SH3GL3: variants seen among roughly 807,000 people sequenced by gnomAD.
The protein encoded by SH3GL3 is endophilin-A3.
In SH3GL3, 33 loss-of-function variants were observed where a neutral mutation model predicts 47.7. The observed-to-expected ratio is 0.69, with a 90% CI of 0.52 to 0.92. The LOEUF (loss-of-function observed/expected upper bound fraction) is 0.92, where lower values mean the gene tolerates loss of function less well. SH3GL3 is among the 40% of genes least tolerant of loss of function. SH3GL3 has a pLI of 0.00. For synonymous variants in SH3GL3, 155 were observed against 148.8 expected (o/e 1.04, Z -0.30); for missense variants, 363 against 417.8 (o/e 0.87, Z 1.14).
At chr15:83,516,927 C>T (rs939697000) in intron 1 of SH3GL3, among the ~76,000 whole-genome samples, 1 of 151,690 alleles carries the variant, frequency 6.6e-6, no homozygotes, top group Non-Finnish European at 1.5e-5. Flanking sequence ...AAAGATACAT[C>T]CATGTTGTTC....
At chr15:83,503,534 A>G (rs1440727707) in intron 1 of SH3GL3, among the ~76,000 whole-genome samples, 1 of 152,262 alleles carries the variant, frequency 6.6e-6, no homozygotes, top group Non-Finnish European at 1.5e-5. Context: ...TAAGATGTTT[A>G]TATGCATTAT....
At position 83,597,142 on chromosome 15, in the gene SH3GL3, G is replaced by T. The variant is rs1047568923; in HGVS notation, c.838+8371G>T. Reference sequence around the variant, plus strand: ...AATCAAGGTGTTCACATTCCACACAGGGTGGAATCTGTTTTCTTGCCTCTC... The same window carrying T: ...AATCAAGGTGTTCACATTCCACACATGGTGGAATCTGTTTTCTTGCCTCTC... On this transcript the variant is annotated intron_variant, in intron 8 of 8. Transcript: ENST00000427482. Among the ~76,000 whole-genome samples the T allele has an allele frequency of 2.6e-5, 4 of 152,168 alleles. No homozygotes were observed. The South Asian group carries it at 6.2e-4, about 24-fold the overall frequency.
Position 83,565,205 on chromosome 15 carries a change from A to C in SH3GL3, c.186A>C (p.Pro62=). Residue 62 remains proline, a splice_region_variant and synonymous_variant, in exon 3 of 9, where the codon CCA becomes CCC. Transcript: ENST00000427482. The stretch of plus-strand genomic sequence containing the variant: ...CCACTGAATATCTTCAGCCAAATCC[A>C]GGTAAAGTTGAAATATTCTCTTGTT... ...SKTTEYLQPN[P]AYRAKLGMLN... The C allele has an allele frequency of 6.5e-7, 1 of 1,544,742 alleles. No homozygotes were observed. The highest frequency in any genetic ancestry group is 8.9e-7 in the Non-Finnish European group (1 of 1,118,932).
intron 1 of SH3GL3, among the ~76,000 whole-genome samples, chr15:83,551,811 T>A (rs896733317): frequency 7.9e-5 from 12 of 152,228 alleles, no homozygotes; most frequent in Non-Finnish European, 1.3e-4. Flanking sequence ...CTGGATTTTT[T>A]AAAATCCACT....
At chr15:83,623,595 G>A (rs537960903), downstream of SH3GL3, among the ~76,000 whole-genome samples, 1 of 152,326 alleles carries the variant, frequency 6.6e-6, no homozygotes, top group East Asian at 1.9e-4. Context: ...CTACCATCTC[G>A]CAGGCTGGGC....
rs189280887 is a variant in SH3GL3, at chr15:83,543,138, T to C, written c.46-16115T>C. Among the ~76,000 whole-genome samples the C allele has an allele frequency of 1.6e-3, 250 of 152,240 alleles. 2 individuals carry two copies. Among genetic ancestry groups the C allele is most frequent in the African/African-American group, 5.8e-3 (241 of 41,554 alleles). On this transcript the variant is annotated intron_variant, in intron 1 of 8. Transcript: ENST00000427482. Reference sequence around the variant, plus strand: ...TCTGTTGTATATGGCTTTTATTGTATGGAGATATGTTCCTTCAATATCCAG... The same window carrying C: ...TCTGTTGTATATGGCTTTTATTGTACGGAGATATGTTCCTTCAATATCCAG...
chr15:83,493,223 C>G (rs1393981984), intron 1 of SH3GL3, among the ~76,000 whole-genome samples: 1 of 151,936 alleles, frequency 6.6e-6, no homozygotes, highest in African/African-American at 2.4e-5. Flanking sequence ...TTAAAATAAT[C>G]CAGTGGTGGT....
intron 1 of SH3GL3, among the ~76,000 whole-genome samples, chr15:83,497,398 C>A (rs902387089): frequency 2.6e-5 from 4 of 152,286 alleles, no homozygotes; most frequent in South Asian, 2.1e-4. Flanking sequence ...TCCACGCCCC[C>A]CTTCTCGCTA....
chr15:83,523,796 T>C (rs1207616629), intron 1 of SH3GL3, among the ~76,000 whole-genome samples: 2 of 152,136 alleles, frequency 1.3e-5, no homozygotes, highest in Non-Finnish European at 2.9e-5. Flanking sequence ...CCCAGTGGTC[T>C]GGTCTCCAAA....
intron 1 of SH3GL3, among the ~76,000 whole-genome samples, chr15:83,459,319 C>T (rs1350710454): frequency 6.6e-6 from 1 of 152,198 alleles, no homozygotes; most frequent in African/African-American, 2.4e-5. Context: ...CAGACACACC[C>T]AGAAACAGTA....
intron 1 of SH3GL3, among the ~76,000 whole-genome samples, chr15:83,540,041 T>A (rs985500510): frequency 2.0e-5 from 3 of 152,204 alleles, no homozygotes; most frequent in African/African-American, 7.2e-5. Flanking sequence ...TTTGCATTCC[T>A]TATTTAAAAA....
chr15:83,513,133 C>G (rs1203577489), intron 1 of SH3GL3, among the ~76,000 whole-genome samples: 1 of 152,214 alleles, frequency 6.6e-6, no homozygotes, highest in African/African-American at 2.4e-5. Context: ...CTTTCCCGCC[C>G]TACCTTCCAC....
chr15:83,581,694 G>C (rs1475639355), intron 6 of SH3GL3, among the ~76,000 whole-genome samples: 1 of 152,212 alleles, frequency 6.6e-6, no homozygotes. Context: ...AGGGGAGGTA[G>C]AGAGACATGA....
At chr15:83,562,418 G>T (rs995984733) in intron 2 of SH3GL3, among the ~76,000 whole-genome samples, 1 of 152,018 alleles carries the variant, frequency 6.6e-6, no homozygotes, top group Non-Finnish European at 1.5e-5. Context: ...ATGACTCTTA[G>T]CTTTGTGGTG....
rs367944478 is a variant in SH3GL3, at chr15:83,582,727, G to A, written c.625-4256G>A. On this transcript the variant is annotated intron_variant, in intron 6 of 8. Coordinates refer to ENST00000427482, the MANE Select transcript of SH3GL3 (RefSeq NM_003027.5). The stretch of plus-strand genomic sequence containing the variant: ...AACTTGTAGAAAGCATACCCAGCAA[G>A]GCGTGAGATACCTGAATTCTGTTTC... 2.0e-5 allele frequency among the ~76,000 whole-genome samples: 3 copies of A among 152,154 alleles called. No homozygotes were observed. The East Asian group carries it at 5.8e-4, about 29-fold the overall frequency.
chr15:83,522,559 C>T (rs2043254420), intron 1 of SH3GL3, among the ~76,000 whole-genome samples: 1 of 152,200 alleles, frequency 6.6e-6, no homozygotes, highest in South Asian at 2.1e-4. Context: ...TTCCCATGCT[C>T]ATGGTCACAA....
intron 4 of SH3GL3, among the ~76,000 whole-genome samples, chr15:83,571,496 G>A (rs2045814915): frequency 6.6e-6 from 1 of 152,222 alleles, no homozygotes; most frequent in Non-Finnish European, 1.5e-5. Flanking sequence ...GCTACCACTG[G>A]GTCCGTATGG....
At chr15:83,584,706 C>T (rs994634255) in intron 6 of SH3GL3, among the ~76,000 whole-genome samples, 2 of 152,168 alleles carry the variant, frequency 1.3e-5, no homozygotes, top group African/African-American at 4.8e-5. Flanking sequence ...AATCCAGTTC[C>T]TTGGCGTATA....
At chr15:83,515,029 TC>T (rs997350892) in intron 1 of SH3GL3, among the ~76,000 whole-genome samples, 1 of 152,096 alleles carries the variant, frequency 6.6e-6, no homozygotes, top group African/African-American at 2.4e-5. Flanking sequence ...ACGGATCCTC[TC>T]TCCTAGAGCC....
Sources: allele counts gnomAD v4.1 joint callset (sites outside exome capture counted in the v4.1 genomes callset), GRCh38; gene constraint gnomAD v4.1.1; transcripts MANE v1.5; gene names NCBI Gene and HGNC (gene_info 2026-07-23, HGNC 2026-07-21).